The following PSD3 variants were observed in gnomAD, a reference collection of about 807,000 sequenced individuals.
PSD3 encodes the protein pleckstrin and Sec7 domain containing 3, also known as PH and SEC7 domain-containing protein 3.
PSD3 carries 49 observed loss-of-function variants against 105.5 expected under a neutral mutation model. The observed-to-expected ratio is 0.46, with a 90% CI of 0.37 to 0.59. The LOEUF (loss-of-function observed/expected upper bound fraction) is 0.59. PSD3 is among the 20% of genes least tolerant of loss of function. PSD3 has a pLI of 0.00. For missense variants in PSD3, 1,561 were observed against 1,263.8 expected, an observed-to-expected ratio of 1.24 and a Z score of -3.57; for synonymous variants, 557 against 457.8, an observed-to-expected ratio of 1.22 and a Z score of -2.77.
chr8:19,023,511 C>G (rs969861229), intron 1 of PSD3, among the ~76,000 whole-genome samples: 1 of 152,004 alleles, frequency 6.6e-6, no homozygotes, highest in Non-Finnish European at 1.5e-5. Flanking sequence ...TCACTGCAGC[C>G]TTGACCTCCT....
intron 1 of PSD3, among the ~76,000 whole-genome samples, chr8:18,996,158 C>A (rs1435341584): frequency 2.0e-5 from 3 of 151,988 alleles, no homozygotes; most frequent in Admixed American, 1.3e-4. Context: ...TGGTTGCTAC[C>A]TGGAAACATG....
chr8:18,777,094 G>A (rs905621465), intron 8 of PSD3, among the ~76,000 whole-genome samples: 4 of 152,112 alleles, frequency 2.6e-5, no homozygotes, highest in Non-Finnish European at 2.9e-5. Context: ...CCAGACTGGA[G>A]TGCAGTGGAA....
At chr8:18,868,200 T>C (rs1396818255) in intron 3 of PSD3, 131 bp from the exon 4 acceptor site, 4 of 1,069,538 alleles carry the variant, frequency 3.7e-6, no homozygotes, top group Non-Finnish European at 5.3e-6. Context: ...TCTTAACATA[T>C]TTGGGAAGGA....
chr8:18,998,034 A>G (rs1826171941), intron 1 of PSD3, among the ~76,000 whole-genome samples: 1 of 151,692 alleles, frequency 6.6e-6, no homozygotes, highest in Non-Finnish European at 1.5e-5. Flanking sequence ...TTTGTTGACC[A>G]CTGTATCCCT....
chr8:19,026,480 A>G (rs958763816), intron 1 of PSD3, among the ~76,000 whole-genome samples: 1 of 152,162 alleles, frequency 6.6e-6, no homozygotes, highest in African/African-American at 2.4e-5. Context: ...AGAGCTCTCC[A>G]GAAGACAGAG....
intron 8 of PSD3, among the ~76,000 whole-genome samples, chr8:18,789,339 C>T (rs1275418012): frequency 6.6e-6 from 1 of 152,114 alleles, no homozygotes; most frequent in Non-Finnish European, 1.5e-5. Flanking sequence ...GAGAATCTAG[C>T]CATCTTTTAC....
At chr8:18,602,330 C>T (rs2717735) in intron 11 of PSD3, among the ~76,000 whole-genome samples, 2 of 152,044 alleles carry the variant, frequency 1.3e-5, no homozygotes, top group Non-Finnish European at 2.9e-5. Context: ...GCTCTCCAAG[C>T]GAAATGTGAT....
At chr8:18,571,830 C>G (rs1198857714) in intron 14 of PSD3, among the ~76,000 whole-genome samples, 1 of 152,152 alleles carries the variant, frequency 6.6e-6, no homozygotes, top group East Asian at 1.9e-4. Flanking sequence ...AAAGTAGCTT[C>G]CAAAATCTTT....
chr8:18,647,806 T>A (rs185892816), intron 10 of PSD3, among the ~76,000 whole-genome samples: 9 of 152,306 alleles, frequency 5.9e-5, no homozygotes, highest in Admixed American at 4.6e-4. Context: ...TTTAGTACTG[T>A]TCTCATGATA....
intron 1 of PSD3, among the ~76,000 whole-genome samples, chr8:19,012,595 G>T (rs1827003821): frequency 1.3e-5 from 2 of 152,110 alleles, no homozygotes; most frequent in Admixed American, 6.5e-5. Context: ...GATCCTCCAT[G>T]GTAGCCTACG....
At chr8:18,711,468 G>T (rs1384645069) in intron 9 of PSD3, among the ~76,000 whole-genome samples, 2 of 152,102 alleles carry the variant, frequency 1.3e-5, no homozygotes, top group African/African-American at 4.8e-5. Context: ...GAAAACAGCA[G>T]GGGTCACAAT....
intron 1 of PSD3, among the ~76,000 whole-genome samples, chr8:19,028,986 A>C (rs1827663605): frequency 6.6e-6 from 1 of 152,178 alleles, no homozygotes; most frequent in South Asian, 2.1e-4. Flanking sequence ...TATATATGTG[A>C]ACTACTTTTG....
chr8:18,900,366 T>A (rs1819427341), intron 2 of PSD3, among the ~76,000 whole-genome samples: 1 of 152,210 alleles, frequency 6.6e-6, no homozygotes. Context: ...CTGAGGGAGC[T>A]GCAGTGACAA....
rs372193810 is a variant in PSD3 at position 18,804,629 on chromosome 8, T to G, written c.1830-27A>C. The G allele has an allele frequency of 6.8e-4, 1,103 of 1,610,934 alleles. 1 individual carries two copies. The highest frequency in any genetic ancestry group is 8.9e-4 in the Non-Finnish European group (1,045 of 1,177,606). ...TATAAGAAAACAGAATAGACTTGGTTATTGAAAGGTAAACTATTTAAAACA... is the reference window on the plus strand; with the variant it reads ...TATAAGAAAACAGAATAGACTTGGTGATTGAAAGGTAAACTATTTAAAACA... On this transcript the variant is annotated intron_variant, in intron 5 of 15. Coordinates refer to ENST00000327040, the MANE Select transcript of PSD3 (RefSeq NM_015310.4).
At chr8:18,651,805 T>G (rs942044430) in intron 10 of PSD3, among the ~76,000 whole-genome samples, 1 of 152,118 alleles carries the variant, frequency 6.6e-6, no homozygotes, top group Admixed American at 6.5e-5. Flanking sequence ...AAAATGATTA[T>G]GGGATACAGG....
intron 9 of PSD3, among the ~76,000 whole-genome samples, chr8:18,750,268 G>A (rs1345523687): frequency 6.6e-6 from 1 of 152,104 alleles, no homozygotes; most frequent in Non-Finnish European, 1.5e-5. Context: ...TTAAGGTGGC[G>A]CGTCTGGAGT....
At chr8:18,850,412 G>A (rs947271497) in intron 4 of PSD3, among the ~76,000 whole-genome samples, 10 of 152,320 alleles carry the variant, frequency 6.6e-5, no homozygotes, top group African/African-American at 2.4e-4. Flanking sequence ...ATCAGCTGTG[G>A]ATGATTACAA....
intron 1 of PSD3, among the ~76,000 whole-genome samples, chr8:18,942,350 T>C (rs1034659652): frequency 1.3e-5 from 2 of 152,188 alleles, no homozygotes; most frequent in Non-Finnish European, 2.9e-5. Flanking sequence ...CTCAATCCTA[T>C]CTGCTCCCAT....
chr8:18,923,705 T>TGCACAAAGATGAAATCGCTTTATG (rs1821177350), intron 2 of PSD3, among the ~76,000 whole-genome samples: 3 of 152,268 alleles, frequency 2.0e-5, no homozygotes, highest in African/African-American at 7.2e-5. Context: ...TTATGATGTT[T>TGCACAAAGATGAAATCGCTTTATG]GCACAAAGAT....
Sources: allele counts gnomAD v4.1 joint callset (sites outside exome capture counted in the v4.1 genomes callset), GRCh38; gene constraint gnomAD v4.1.1; transcripts MANE v1.5; gene names NCBI Gene and HGNC (gene_info 2026-07-23, HGNC 2026-07-21).